SAMHD1: variants seen among roughly 807,000 people sequenced by gnomAD.
SAMHD1 encodes SAM and HD domain containing deoxynucleoside triphosphate triphosphohydrolase 1.
SAMHD1 carries 54 observed loss-of-function variants against 79.6 expected under a neutral mutation model. The ratio of observed to expected loss-of-function variants is 0.68; its 90% CI spans 0.55 to 0.85. The LOEUF (loss-of-function observed/expected upper bound fraction) is 0.85. Among genes scored for constraint, SAMHD1 ranks in the 40% least tolerant of loss-of-function variants. The pLI, the probability that SAMHD1 is intolerant of heterozygous loss-of-function variation, is 0.00. For synonymous variants in SAMHD1, 260 were observed against 264.1 expected (o/e 0.98, Z 0.15); for missense variants, 663 against 782.7 (o/e 0.85, Z 1.82).
chr20:36,930,718 T>G (rs1568776664), intron 5 of SAMHD1, 42 bp downstream of exon 5: 3 of 1,337,022 alleles, frequency 2.2e-6, no homozygotes, highest in Admixed American at 3.4e-5. Context: ...GTAACATATG[T>G]TATGATTTTA....
At chr20:36,946,952 C>A in intron 1 of SAMHD1, 148 bp from the exon 2 acceptor site, 1 of 556,542 alleles carries the variant, frequency 1.8e-6, no homozygotes, top group Non-Finnish European at 3.2e-6. Context: ...TTTTGATCTG[C>A]TACTTGTAAA....
At chr20:36,921,790 G>C (rs2063507367) in intron 6 of SAMHD1, among the ~76,000 whole-genome samples, 1 of 151,762 alleles carries the variant, frequency 6.6e-6, no homozygotes. Flanking sequence ...CCAGGTTCAG[G>C]TGATTCTCCT....
chr20:36,910,017 G>T (rs1287615499), intron 11 of SAMHD1, among the ~76,000 whole-genome samples: 1 of 151,946 alleles, frequency 6.6e-6, no homozygotes, highest in African/African-American at 2.4e-5. Flanking sequence ...GAGGTCAGGA[G>T]ATCGAGACCA....
chr20:36,946,332 G>A, intron 2 of SAMHD1: 1 of 167,180 alleles, frequency 6.0e-6, no homozygotes, highest in East Asian at 1.7e-4. Context: ...AGAATGGCAT[G>A]AACCCGGGAG....
At chr20:36,900,851 C>T (rs554704054) in intron 13 of SAMHD1, among the ~76,000 whole-genome samples, 3 of 152,168 alleles carry the variant, frequency 2.0e-5, no homozygotes, top group East Asian at 1.9e-4. Flanking sequence ...GGATTACAGG[C>T]ATGAGCCACC....
In SAMHD1 at chr20:36,901,437, A is replaced by G. The variant is rs182200442; in HGVS notation, c.1503+2720T>C. 3.7e-3 allele frequency among the ~76,000 whole-genome samples: 559 copies of G among 152,072 alleles called. 8 individuals carry two copies. The highest frequency in any genetic ancestry group is 0.014 in the Middle Eastern group (4 of 292). ...AGAGACCCTGTCTCAAGATAAACAA[A>G]AGTTTAAACTAACATTGGCTGGGTG... On this transcript the variant is annotated intron_variant, in intron 13 of 15. Transcript: ENST00000646673.
At chr20:36,906,852 C>A (rs549654087) in intron 11 of SAMHD1, among the ~76,000 whole-genome samples, 1 of 150,866 alleles carries the variant, frequency 6.6e-6, no homozygotes, top group Non-Finnish European at 1.5e-5. Flanking sequence ...AGTGCGGTGG[C>A]GTGATCTTGG....
intron 2 of SAMHD1, among the ~76,000 whole-genome samples, chr20:36,944,318 CAAA>C (rs34572620): frequency 4.2e-5 from 3 of 71,064 alleles, no homozygotes; most frequent in Non-Finnish European, 5.5e-5. Flanking sequence ...GACTTCGTCT[CAAA>C]AAAAAAAAAA....
chr20:36,896,789 C>T (rs539922661), intron 15 of SAMHD1, among the ~76,000 whole-genome samples: 2 of 152,008 alleles, frequency 1.3e-5, no homozygotes, highest in South Asian at 2.1e-4. Context: ...GAGCCAAGAT[C>T]GTGCCACTGC....
In SAMHD1 at chr20:36,916,999, T is replaced by A; in HGVS notation, c.903A>T (p.Val301=). The A allele has an allele frequency of 6.2e-7, 1 of 1,614,108 alleles. No individual in the cohort carries two copies. Among genetic ancestry groups the A allele is most frequent in the Non-Finnish European group, 8.5e-7 (1 of 1,179,964 alleles). The change falls in exon 8 of 16, where the codon GTA becomes GTT. Residue 301 remains valine (V), a synonymous_variant. Transcript: ENST00000646673. ...CATCAATGCCATTTCTTTTATTAGATACTATCTCATAAAGGAAGCTTTTGT... is the reference window on the plus strand; with the variant it reads ...CATCAATGCCATTTCTTTTATTAGAAACTATCTCATAAAGGAAGCTTTTGT... The part of the protein sequence containing the change: ...PENKSFLYEI[V]SNKRNGIDVD...
At chr20:36,897,640 A>C in intron 15 of SAMHD1, 182 bp downstream of exon 15, 1 of 686,538 alleles carries the variant, frequency 1.5e-6, no homozygotes, top group Non-Finnish European at 2.5e-6. Flanking sequence ...TCCTGTAGGA[A>C]GAAATCACTG....
chr20:36,911,484 G>T (rs1304719668), intron 10 of SAMHD1, 151 bp from the exon 11 acceptor site: 3 of 640,554 alleles, frequency 4.7e-6, no homozygotes, highest in African/African-American at 1.8e-5. Flanking sequence ...CTAAATTTGT[G>T]CTTGGTAAGC....
rs1724680156 is a variant in SAMHD1 at position 36,904,484 on chromosome 20, C to T, written c.1411-235G>A. 3 of 456,332 alleles carry T rather than the reference C, an allele frequency of 6.6e-6. 1 individual carries two copies. The highest frequency in any genetic ancestry group is 6.2e-5 in the South Asian group (3 of 48,042). 28.3% of individuals were successfully genotyped at this position (456,332 alleles called of 1,614,324 possible). On this transcript the variant is annotated intron_variant, in intron 12 of 15. Transcript: ENST00000646673. ...CTATAATCCCAGCACTTTGGGAGGC[C>T]CAGGTGGGCGGATCATGAGGTCGGG...
intron 9 of SAMHD1, among the ~76,000 whole-genome samples, chr20:36,915,674 T>A (rs188728622): frequency 1.3e-5 from 2 of 151,662 alleles, no homozygotes; most frequent in East Asian, 3.9e-4. Flanking sequence ...GAGGCAGAGC[T>A]TGCAGTGAGC....
rs757270625 is a variant in SAMHD1, at chr20:36,911,198, T to C, written c.1270+20A>G. The C allele has an allele frequency of 2.1e-6, 3 of 1,432,300 alleles. No homozygotes were observed. The highest frequency in any genetic ancestry group is 3.0e-6 in the Non-Finnish European group (3 of 1,014,724). 88.7% of individuals were successfully genotyped at this position (1,432,300 alleles called of 1,614,324 possible). ...CAGTTTATCTGAGATGGACCATCTATGTTACCTGTTACTTCTTACCTGTCA... is the reference window on the plus strand; with the variant it reads ...CAGTTTATCTGAGATGGACCATCTACGTTACCTGTTACTTCTTACCTGTCA... On this transcript the variant is annotated intron_variant, in intron 11 of 15. Coordinates refer to ENST00000646673, the MANE Select transcript of SAMHD1 (RefSeq NM_015474.4).
rs932143700 is a variant in SAMHD1 at position 36,926,422 on chromosome 20, G to A, written c.696+760C>T. ...AAATCAGAAGGTGATGGTGGGGTGAGGGGGAGTGAGAATTGACTAGGAAAA... is the reference window on the plus strand; with the variant it reads ...AAATCAGAAGGTGATGGTGGGGTGAAGGGGAGTGAGAATTGACTAGGAAAA... On this transcript the variant is annotated intron_variant, in intron 6 of 15. Coordinates refer to ENST00000646673, the MANE Select transcript of SAMHD1 (RefSeq NM_015474.4). Among the ~76,000 whole-genome samples, 3 of 152,106 alleles carry A rather than the reference G, an allele frequency of 2.0e-5. No individual in the cohort carries two copies. The South Asian group carries it at 6.2e-4, about 32-fold the overall frequency.
chr20:36,914,943 T>C (rs1424952796), intron 9 of SAMHD1, among the ~76,000 whole-genome samples: 2 of 151,714 alleles, frequency 1.3e-5, no homozygotes, highest in East Asian at 2.0e-4. Flanking sequence ...GCTGGGAAGG[T>C]GGAGGTTGCA....
At chr20:36,931,939 A>G (rs1315602603) in intron 4 of SAMHD1, among the ~76,000 whole-genome samples, 1 of 152,156 alleles carries the variant, frequency 6.6e-6, no homozygotes, top group Admixed American at 6.5e-5. Flanking sequence ...GACAAATATT[A>G]TATGATTTCA....
At chr20:36,901,263 C>T (rs1300380645) in intron 13 of SAMHD1, among the ~76,000 whole-genome samples, 1 of 152,006 alleles carries the variant, frequency 6.6e-6, no homozygotes, top group Non-Finnish European at 1.5e-5. Flanking sequence ...CTCCTGGGCT[C>T]AAGCGATCTT....
Sources: gnomAD v4.1 joint callset for allele counts (sites outside exome capture counted in the v4.1 genomes callset) on GRCh38, gnomAD v4.1.1 for gene constraint, MANE v1.5 for transcripts, NCBI Gene and HGNC (gene_info 2026-07-23, HGNC 2026-07-21) for gene names.